Variants in HAPLN1 observed in about 807,000 individuals in gnomAD.
HAPLN1 encodes the protein Cartilage link protein.
HAPLN1 carries 13 observed loss-of-function variants against 36.5 expected under a neutral mutation model. The ratio of observed to expected loss-of-function variants is 0.36; its 90% CI spans 0.23 to 0.57. HAPLN1 has a LOEUF of 0.57. Ranked by LOEUF, HAPLN1 falls within the 20% of genes least tolerant of loss-of-function variation. The pLI, the probability that HAPLN1 is intolerant of heterozygous loss-of-function variation, is 0.83. For missense variants in HAPLN1, 407 were observed against 439.7 expected, an observed-to-expected ratio of 0.93 and a Z score of 0.66; for synonymous variants, 202 against 169.8, an observed-to-expected ratio of 1.19 and a Z score of -1.48.
In HAPLN1 at chr5:83,698,571, A is replaced by G. The variant is rs542890619; in HGVS notation, c.-27+22218T>C. 3.3e-5 allele frequency among the ~76,000 whole-genome samples: 5 copies of G among 152,284 alleles called. No homozygotes were observed. The South Asian group carries it at 1.0e-3, about 32-fold the overall frequency. The stretch of plus-strand genomic sequence containing the variant: ...CTGCCATTATTATTATAAGAAATCC[A>G]CCTATAGTTCCCCTAGTAGTAGTTC... On this transcript the variant is annotated intron_variant, in intron 1 of 4. Transcript: ENST00000274341.
chr5:83,712,985 G>C (rs972319359), intron 1 of HAPLN1, among the ~76,000 whole-genome samples: 1 of 151,734 alleles, frequency 6.6e-6, no homozygotes, highest in Non-Finnish European at 1.5e-5. Flanking sequence ...CAAGGAATTA[G>C]AAAACGAATT....
At chr5:83,653,555 T>G (rs1022341098) in intron 2 of HAPLN1, among the ~76,000 whole-genome samples, 1 of 152,276 alleles carries the variant, frequency 6.6e-6, no homozygotes, top group Non-Finnish European at 1.5e-5. Flanking sequence ...ACTTCTTTTC[T>G]GATTAACCAA....
chr5:83,716,452 C>G (rs575852762), intron 1 of HAPLN1, among the ~76,000 whole-genome samples: 1 of 152,312 alleles, frequency 6.6e-6, no homozygotes, highest in South Asian at 2.1e-4. Context: ...TCAGGTGTCA[C>G]CCCTGTTAAG....
At chr5:83,708,810 G>A (rs1580164962) in intron 1 of HAPLN1, among the ~76,000 whole-genome samples, 1 of 143,750 alleles carries the variant, frequency 7.0e-6, no homozygotes, top group Non-Finnish European at 1.5e-5. Context: ...GAAACAGCAG[G>A]AGGAGTATGA....
chr5:83,655,388 A>G (rs931383968), intron 2 of HAPLN1, among the ~76,000 whole-genome samples: 2 of 152,184 alleles, frequency 1.3e-5, no homozygotes, highest in Non-Finnish European at 2.9e-5. Flanking sequence ...CATTGTGAAT[A>G]GAGGATGACT....
chr5:83,685,500 A>G (rs1435399579), intron 1 of HAPLN1, among the ~76,000 whole-genome samples: 2 of 152,194 alleles, frequency 1.3e-5, no homozygotes, highest in Non-Finnish European at 2.9e-5. Flanking sequence ...AAATCATCAC[A>G]TTTCATACAA....
chr5:83,701,658 C>T (rs1751508758), intron 1 of HAPLN1, among the ~76,000 whole-genome samples: 1 of 152,126 alleles, frequency 6.6e-6, no homozygotes, highest in Non-Finnish European at 1.5e-5. Context: ...GTATATGAGG[C>T]GGGGCACGGT....
intron 1 of HAPLN1, among the ~76,000 whole-genome samples, chr5:83,677,271 T>G (rs1750881906): frequency 6.6e-6 from 1 of 152,136 alleles, no homozygotes; most frequent in Non-Finnish European, 1.5e-5. Context: ...GTACCCAGCA[T>G]GTACAACAAG....
rs1360560435 is a variant in HAPLN1, at chr5:83,638,148, C to T, written c.*3348G>A. ...GAAATAATGTATTGACAGAGTTTGA[C>T]ACAAAGAAAAATAGCTAAGATTCTA... is the stretch of plus-strand genomic sequence containing the variant. On this transcript the variant is annotated 3_prime_UTR_variant, in exon 5 of 5. Coordinates refer to ENST00000274341, the MANE Select transcript of HAPLN1 (RefSeq NM_001884.4). 1 of 151,212 alleles carries T rather than the reference C, an allele frequency of 6.6e-6. No individual in the cohort carries two copies. The highest frequency in any genetic ancestry group is 1.5e-5 in the Non-Finnish European group (1 of 67,754). 9.4% of individuals were successfully genotyped at this position (151,212 alleles called of 1,614,324 possible). A position where few individuals can be genotyped will look rare whatever the true frequency, so the allele number is the denominator to read the frequency against.
chr5:83,698,042 C>T (rs548721853), intron 1 of HAPLN1, among the ~76,000 whole-genome samples: 12 of 152,200 alleles, frequency 7.9e-5, no homozygotes, highest in African/African-American at 2.2e-4. Context: ...ATTAATATCA[C>T]TTTGGTTGCG....
intron 2 of HAPLN1, among the ~76,000 whole-genome samples, chr5:83,672,783 T>C (rs1385542604): frequency 6.6e-6 from 1 of 152,218 alleles, no homozygotes; most frequent in Non-Finnish European, 1.5e-5. Flanking sequence ...GTTCCTCTTA[T>C]TGCATAAGTC....
At chr5:83,704,365 C>T (rs182637912) in intron 1 of HAPLN1, among the ~76,000 whole-genome samples, 3 of 152,040 alleles carry the variant, frequency 2.0e-5, no homozygotes, top group African/African-American at 7.2e-5. Context: ...AGGATAATAA[C>T]CAGCTAACAA....
chr5:83,705,648 C>T (rs1007540039), intron 1 of HAPLN1, among the ~76,000 whole-genome samples: 1 of 152,046 alleles, frequency 6.6e-6, no homozygotes. Context: ...TAATGACTAA[C>T]ATCACAACTG....
At chr5:83,654,813 C>A (rs1750168609) in intron 2 of HAPLN1, among the ~76,000 whole-genome samples, 1 of 152,162 alleles carries the variant, frequency 6.6e-6, no homozygotes, top group African/African-American at 2.4e-5. Context: ...TTGGTCTAAC[C>A]TCACTTCCTC....
intron 3 of HAPLN1, among the ~76,000 whole-genome samples, chr5:83,645,231 C>T (rs1358622540): frequency 6.6e-6 from 1 of 152,114 alleles, no homozygotes; most frequent in Admixed American, 6.5e-5. Flanking sequence ...TATAAACAAG[C>T]ATATTAACAA....
chr5:83,707,568 T>C (rs1177760013), intron 1 of HAPLN1, among the ~76,000 whole-genome samples: 4 of 152,150 alleles, frequency 2.6e-5, no homozygotes, highest in Non-Finnish European at 4.4e-5. Context: ...CCTTAAGCCA[T>C]ATACAAAAAT....
At chr5:83,686,889 G>A (rs1208790893) in intron 1 of HAPLN1, among the ~76,000 whole-genome samples, 1 of 151,986 alleles carries the variant, frequency 6.6e-6, no homozygotes, top group Non-Finnish European at 1.5e-5. Context: ...CATCTGGAAG[G>A]GTGTGTTGTT....
chr5:83,677,673 C>T (rs183504654), intron 1 of HAPLN1, among the ~76,000 whole-genome samples: 9 of 152,162 alleles, frequency 5.9e-5, no homozygotes, highest in South Asian at 2.1e-4. Context: ...TACAACAGGT[C>T]TCAATTTCTT....
intron 1 of HAPLN1, among the ~76,000 whole-genome samples, chr5:83,706,856 T>C (rs376086212): frequency 6.6e-6 from 1 of 152,156 alleles, no homozygotes; most frequent in Non-Finnish European, 1.5e-5. Flanking sequence ...CAAAATCTCC[T>C]TCAGCTGATA....
Sources: gnomAD v4.1 joint callset for allele counts (sites outside exome capture counted in the v4.1 genomes callset) on GRCh38, gnomAD v4.1.1 for gene constraint, MANE v1.5 for transcripts, NCBI Gene and HGNC (gene_info 2026-07-23, HGNC 2026-07-21) for gene names.